RNF111: variants seen among roughly 807,000 people sequenced by gnomAD.
RNF111 encodes the protein E3 ubiquitin-protein ligase Arkadia.
A neutral mutation model predicts 95.1 loss-of-function variants in RNF111; 17 were observed. The ratio of observed to expected loss-of-function variants is 0.18; its 90% CI spans 0.12 to 0.27. RNF111 has a LOEUF of 0.27. RNF111 is among the 10% of genes least tolerant of loss of function. The pLI, the probability that RNF111 is intolerant of heterozygous loss-of-function variation, is 1.00. For synonymous variants in RNF111, 440 were observed against 414.8 expected, an observed-to-expected ratio of 1.06 and a Z score of -0.74; for missense variants, 1,189 against 1,210.4, an observed-to-expected ratio of 0.98 and a Z score of 0.26.
chr15:59,042,691 A>G (rs1035763644), intron 2 of RNF111, among the ~76,000 whole-genome samples: 7 of 152,216 alleles, frequency 4.6e-5, no homozygotes, highest in East Asian at 3.9e-4. Context: ...TCTTTTTCCT[A>G]TTGACTTGAG....
intron 6 of RNF111, among the ~76,000 whole-genome samples, chr15:59,070,928 C>T (rs975830355): frequency 6.6e-6 from 1 of 152,166 alleles, no homozygotes; most frequent in Non-Finnish European, 1.5e-5. Context: ...TATATAACAT[C>T]AGATCTTTAT....
At chr15:59,092,663 A>T (rs1566948997) in intron 13 of RNF111, 23 bp downstream of exon 13, 1 of 1,584,488 alleles carries the variant, frequency 6.3e-7, no homozygotes, top group Non-Finnish European at 8.6e-7. Flanking sequence ...TAATTATCTA[A>T]AATCCATTGT....
intron 1 of RNF111, among the ~76,000 whole-genome samples, chr15:59,001,751 A>T (rs1448226201): frequency 1.3e-5 from 2 of 152,086 alleles, no homozygotes; most frequent in African/African-American, 4.8e-5. Flanking sequence ...TTATCATGGG[A>T]TTTTATTTTA....
chr15:59,015,678 A>T (rs1224496403), intron 1 of RNF111, among the ~76,000 whole-genome samples: 1 of 150,768 alleles, frequency 6.6e-6, no homozygotes, highest in Non-Finnish European at 1.5e-5. Flanking sequence ...GAGTATTTAG[A>T]TGTTGCCATT....
At position 59,092,563 on chromosome 15, in the gene RNF111, G is replaced by A; in HGVS notation, c.2766G>A (p.Gly922=). ...GGAAACTGCACTGCAAACAAGATGG[G>A]GAAGAAGGGACTGAGGAAGACACAG... ...KKRKLHCKQD[G]EEGTEEDTEE... is the part of the protein sequence containing the mutation. Residue 922 remains glycine, a synonymous_variant, in exon 13 of 14, where the codon GGG becomes GGA. Transcript: ENST00000348370. The A allele has an allele frequency of 6.2e-7, 1 of 1,612,792 alleles. No individual in the cohort carries two copies. The highest frequency in any genetic ancestry group is 8.5e-7 in the Non-Finnish European group (1 of 1,179,064).
chr15:59,080,990 A>C lies in RNF111; in HGVS notation c.2003A>C (p.His668Pro). The C allele has an allele frequency of 1.9e-6, 3 of 1,613,952 alleles. No homozygotes were observed. Among genetic ancestry groups the C allele is most frequent in the Non-Finnish European group, 2.5e-6 (3 of 1,179,948 alleles). Reference protein sequence around the residue: ...HHQASACPHSHGNPPPQTQPP... With the variant: ...HHQASACPHSPGNPPPQTQPP... ...CAAGCTTCTGCCTGCCCGCATTCTC[A>C]TGGAAACCCCCCTCCTCAGACTCAG... The change falls in exon 8 of 14, where the codon CAT (histidine) becomes CCT (proline). Residue 668 changes from histidine (H) to proline (P), a missense_variant. Around this residue, in one of 2 missense-constraint regions of RNF111, gnomAD observed 1,024 missense variants for 925.9 expected, o/e 1.11. Coordinates refer to ENST00000348370, the MANE Select transcript of RNF111 (RefSeq NM_017610.8).
At chr15:59,051,088 C>G (rs1311336629) in intron 2 of RNF111, among the ~76,000 whole-genome samples, 1 of 152,122 alleles carries the variant, frequency 6.6e-6, no homozygotes, top group Non-Finnish European at 1.5e-5. Flanking sequence ...TAATTTAATA[C>G]TTATCCATCT....
At position 58,987,927 on chromosome 15, in the gene RNF111, C is replaced by G. The variant is rs2141322534; in HGVS notation, c.-161C>G. On this transcript the variant is annotated 5_prime_UTR_variant, in exon 1 of 14. Transcript: ENST00000348370. ...TGGCGGTGACAGACACTGTTCTTGA[C>G]TCTAGGGGCCTATTAGGCCGACGTC... 6.5e-6 allele frequency: 1 copy of G among 152,818 alleles called. No homozygotes were observed. The highest frequency in any genetic ancestry group is 2.0e-4 in the South Asian group (1 of 5,056). The allele number at this position is 152,818 out of a possible 1,614,324, so 9.5% of individuals were successfully genotyped here.
chr15:59,066,286 C>A (rs1384770128), intron 5 of RNF111, among the ~76,000 whole-genome samples: 2 of 152,182 alleles, frequency 1.3e-5, no homozygotes, highest in African/African-American at 4.8e-5. Flanking sequence ...AAGACCACTG[C>A]ATAAAATCAT....
chr15:58,991,117 C>A (rs2038796686), intron 1 of RNF111, among the ~76,000 whole-genome samples: 1 of 151,840 alleles, frequency 6.6e-6, no homozygotes, highest in Non-Finnish European at 1.5e-5. Flanking sequence ...CATGGTGAAA[C>A]CCCGTCTGTA....
At chr15:59,041,554 C>T (rs1486905822) in intron 2 of RNF111, among the ~76,000 whole-genome samples, 3 of 151,816 alleles carry the variant, frequency 2.0e-5, no homozygotes, top group African/African-American at 7.3e-5. Context: ...GAGTGGGACT[C>T]TGTCTCAAAA....
intron 13 of RNF111, chr15:59,093,262 C>T (rs1253382392): frequency 1.8e-5 from 6 of 327,124 alleles, no homozygotes; most frequent in African/African-American, 9.1e-5. Flanking sequence ...TTTGGAGGTC[C>T]TAGAAAGTTA....
At position 59,018,929 on chromosome 15, in the gene RNF111, T is replaced by C. The variant is rs553698625; in HGVS notation, c.-19-11875T>C. ...TAACTGTATATTTGTTTCTTTTCTTTTTTCTTTTTTTTGAGACAGCGCCAT... is the reference window on the plus strand; with the variant it reads ...TAACTGTATATTTGTTTCTTTTCTTCTTTCTTTTTTTTGAGACAGCGCCAT... On this transcript the variant is annotated intron_variant, in intron 1 of 13. Coordinates refer to ENST00000348370, the MANE Select transcript of RNF111 (RefSeq NM_017610.8). Among the ~76,000 whole-genome samples the C allele has an allele frequency of 3.9e-5, 6 of 152,198 alleles. No individual in the cohort carries two copies. In the East Asian group the frequency reaches 1.2e-3, roughly 29 times the overall value.
At chr15:59,013,119 G>A (rs2039906974) in intron 1 of RNF111, among the ~76,000 whole-genome samples, 1 of 152,148 alleles carries the variant, frequency 6.6e-6, no homozygotes, top group African/African-American at 2.4e-5. Context: ...AAGCTCCATA[G>A]TCACTCATTT....
chr15:58,995,754 G>C (rs4531678), intron 1 of RNF111, among the ~76,000 whole-genome samples: 6 of 145,844 alleles, frequency 4.1e-5, no homozygotes, highest in African/African-American at 1.5e-4. Context: ...ATGAGATGCC[G>C]TGCCCCGGCC....
At chr15:59,044,223 G>A (rs1452357947) in intron 2 of RNF111, among the ~76,000 whole-genome samples, 1 of 152,148 alleles carries the variant, frequency 6.6e-6, no homozygotes, top group Admixed American at 6.5e-5. Flanking sequence ...TAGAGACGGG[G>A]TTTTGCCATG....
At chr15:59,060,340 C>CA (rs1338860036) in intron 5 of RNF111, among the ~76,000 whole-genome samples, 1 of 151,840 alleles carries the variant, frequency 6.6e-6, no homozygotes, top group Non-Finnish European at 1.5e-5. Context: ...TGGTGAGACT[C>CA]ACACCTGTAA....
At position 59,085,580 on chromosome 15, in the gene RNF111, A is replaced by C. The variant is rs912323980; in HGVS notation, c.2424-79A>C. ...TAAGAAACCTTAGATTACTTTTTTAAGTGTAAACATAACTCCCCATGTCTG... is the reference window on the plus strand; with the variant it reads ...TAAGAAACCTTAGATTACTTTTTTACGTGTAAACATAACTCCCCATGTCTG... On this transcript the variant is annotated intron_variant, in intron 9 of 13. Coordinates refer to ENST00000348370, the MANE Select transcript of RNF111 (RefSeq NM_017610.8). 3.2e-6 allele frequency: 4 copies of C among 1,250,584 alleles called. No individual in the cohort carries two copies. In the African/African-American group the frequency reaches 6.1e-5, roughly 19 times the overall value. 77.5% of individuals were successfully genotyped at this position (1,250,584 alleles called of 1,614,324 possible).
intron 6 of RNF111, among the ~76,000 whole-genome samples, chr15:59,070,058 T>A (rs939562785): frequency 2.3e-4 from 28 of 119,852 alleles, no homozygotes; most frequent in Non-Finnish European, 4.3e-4. Context: ...TTTTTTTTTT[T>A]TAGAGAGGAT....
Sources: allele counts gnomAD v4.1 joint callset (sites outside exome capture counted in the v4.1 genomes callset), GRCh38; gene constraint gnomAD v4.1.1; regional missense constraint gnomAD v4.1.1; transcripts MANE v1.5; gene names NCBI Gene and HGNC (gene_info 2026-07-23, HGNC 2026-07-21).